DBF4B: variants seen among roughly 807,000 people sequenced by gnomAD.
DBF4B encodes the protein DBF4B-CDC7 kinase regulatory subunit.
A neutral mutation model predicts 53.4 loss-of-function variants in DBF4B; 49 were observed. That is an observed-to-expected ratio of 0.92 (90% confidence interval 0.73 to 1.16). DBF4B has a LOEUF of 1.16. DBF4B is among the 50% of genes most tolerant of loss of function. The pLI, the probability that DBF4B is intolerant of heterozygous loss-of-function variation, is 0.00. For synonymous variants in DBF4B, 257 were observed against 288.7 expected (o/e 0.89, Z 1.11); for missense variants, 692 against 775.0 (o/e 0.89, Z 1.27).
Position 44,730,069 on chromosome 17 carries a change from C to G in DBF4B, c.390C>G (p.Pro130=), listed in dbSNP as rs775979625. The part of the protein sequence containing the change: ...SAMVDPKGSH[P]RPSRKPVDSV... The stretch of plus-strand genomic sequence containing the variant: ...TGGTTGATCCAAAAGGCAGCCACCC[C>G]AGGCCTTCACGGAAACCCGTTGACT... Residue 130 remains proline, a synonymous_variant, in exon 4 of 14, where the codon CCC becomes CCG. Transcript: ENST00000315005. 2.5e-6 allele frequency: 4 copies of G among 1,612,696 alleles called. No homozygotes were observed. The highest frequency in any genetic ancestry group is 4.5e-5 in the East Asian group (2 of 44,884).
chr17:44,742,568 G>A (rs569255442), intron 10 of DBF4B, among the ~76,000 whole-genome samples: 1 of 152,160 alleles, frequency 6.6e-6, no homozygotes, highest in African/African-American at 2.4e-5. Context: ...GTGACAGAGT[G>A]AAACCCTGAT....
At chr17:44,735,717 G>GT (rs1975342859) in intron 7 of DBF4B, among the ~76,000 whole-genome samples, 2 of 152,084 alleles carry the variant, frequency 1.3e-5, no homozygotes, top group Admixed American at 6.6e-5. Flanking sequence ...AGTGAAGTGA[G>GT]TTTTGGGTGT....
intron 4 of DBF4B, 123 bp downstream of exon 4, chr17:44,730,219 G>T: frequency 9.1e-7 from 1 of 1,101,586 alleles, no homozygotes; most frequent in South Asian, 1.7e-5. Context: ...TTTGAATTCA[G>T]GGACTGAGAA....
At chr17:44,725,035 A>G (rs11871286) in intron 3 of DBF4B, among the ~76,000 whole-genome samples, 150,553 of 151,376 alleles carry the variant, frequency 0.99, 74,872 homozygotes, top group East Asian at 1. Context: ...AGAATCACTT[A>G]AACTCAGGTG....
chr17:44,741,344 G>T lies in DBF4B; in HGVS notation c.722G>T (p.Arg241Leu), dbSNP rs368242633. 122 of 1,612,026 alleles carry T rather than the reference G, an allele frequency of 7.6e-5. No individual in the cohort carries two copies. The highest frequency in any genetic ancestry group is 1.0e-4 in the Non-Finnish European group (122 of 1,178,396). ...AGTTTTCTCTGTTGCAGGAAGTTTC[G>T]TCCTTTCCATCATCAGTTTAAATCC... Reference protein sequence around the residue: ...LKIEDESRKFRPFHHQFKSFP... With the variant: ...LKIEDESRKFLPFHHQFKSFP... Residue 241 changes from arginine (R) to leucine (L), a missense_variant, in exon 10 of 14, where the codon CGT (arginine) becomes CTT (leucine). This residue lies in a region of DBF4B where 597 missense variants were observed against 665.8 expected (regional missense o/e 0.90). Coordinates refer to ENST00000315005, the MANE Select transcript of DBF4B (RefSeq NM_145663.3).
At chr17:44,713,331 A>G (rs540588958) in intron 2 of DBF4B, among the ~76,000 whole-genome samples, 11 of 146,968 alleles carry the variant, frequency 7.5e-5, no homozygotes, top group Admixed American at 2.7e-4. Context: ...GTGAGCCACC[A>G]CGCCCCGCCG....
In DBF4B at chr17:44,747,480, C is replaced by T. The variant is rs771354426; in HGVS notation, c.1029C>T (p.Ser343=). 6.2e-7 allele frequency: 1 copy of T among 1,614,136 alleles called. No individual in the cohort carries two copies. The highest frequency in any genetic ancestry group is 1.7e-5 in the Admixed American group (1 of 60,036). The change falls in exon 12 of 14, where the codon AGC becomes AGT. Residue 343 remains serine, a synonymous_variant. Coordinates refer to ENST00000315005, the MANE Select transcript of DBF4B (RefSeq NM_145663.3). ...GGATCATTGCTCAGCTCAGCCACAGCTTTGCAGACATCCCTTTCCAGGCTG... is the reference window on the plus strand; with the variant it reads ...GGATCATTGCTCAGCTCAGCCACAGTTTTGCAGACATCCCTTTCCAGGCTG... The part of the protein sequence containing the change: ...VDRIIAQLSH[S]FADIPFQAGL...
rs1218075966 is a variant in DBF4B, at chr17:44,734,161, G to C, written c.628G>C (p.Glu210Gln). 1 of 1,614,086 alleles carries C rather than the reference G, an allele frequency of 6.2e-7. No individual in the cohort carries two copies. The highest frequency in any genetic ancestry group is 8.5e-7 in the Non-Finnish European group (1 of 1,180,038). Reference sequence around the variant, plus strand: ...GAAAAAACAACAGCCAAAGAAGCCAGAGGTAGGTCATCCTGCTGAACTGAA... The same window carrying C: ...GAAAAAACAACAGCCAAAGAAGCCACAGGTAGGTCATCCTGCTGAACTGAA... ...CVKKQQPKKP[E>Q]GTCPAAESRT... The change falls in exon 7 of 14, where the codon GAG (glutamate) becomes CAG (glutamine). Residue 210 changes from glutamate (E) to glutamine (Q), a missense_variant and splice_region_variant. Coordinates refer to ENST00000315005, the MANE Select transcript of DBF4B (RefSeq NM_145663.3).
chr17:44,750,972 C>G lies in DBF4B; in HGVS notation c.1567C>G (p.Pro523Ala). 1 of 1,614,172 alleles carries G rather than the reference C, an allele frequency of 6.2e-7. No individual in the cohort carries two copies. Among genetic ancestry groups the G allele is most frequent in the Middle Eastern group, 1.6e-4 (1 of 6,062 alleles). Residue 523 changes from proline to alanine, a missense_variant, in exon 14 of 14, where the codon CCC (proline) becomes GCC (alanine). Transcript: ENST00000315005. ...FPFVTWGCLI[P>A]HDTTPLHEEV... The stretch of plus-strand genomic sequence containing the variant: ...TTTTGTGACATGGGGTTGCCTCATT[C>G]CCCATGACACCACCCCTCTGCATGA...
intron 9 of DBF4B, 47 bp downstream of exon 9, chr17:44,738,471 G>T (rs1236005162): frequency 6.4e-7 from 1 of 1,574,080 alleles, no homozygotes; most frequent in East Asian, 2.3e-5. Flanking sequence ...GGCCTGCACA[G>T]AGGAGGGAGG....
intron 2 of DBF4B, among the ~76,000 whole-genome samples, chr17:44,719,567 T>G (rs1301987335): frequency 6.6e-6 from 1 of 152,228 alleles, no homozygotes; most frequent in Non-Finnish European, 1.5e-5. Flanking sequence ...ACTGATTTCT[T>G]TCACTTAGCA....
chr17:44,750,698 G>A lies in DBF4B; in HGVS notation c.1293G>A (p.Leu431=), dbSNP rs2049259144. 10 of 1,613,926 alleles carry A rather than the reference G, an allele frequency of 6.2e-6. No individual in the cohort carries two copies. The highest frequency in any genetic ancestry group is 1.7e-5 in the Admixed American group (1 of 60,004). The change falls in exon 14 of 14, where the codon CTG becomes CTA. Residue 431 remains leucine (L), a synonymous_variant. Coordinates refer to ENST00000315005, the MANE Select transcript of DBF4B (RefSeq NM_145663.3). ...CATGTGTGAGTGCCACAACCCTCCT[G>A]CCGGCCTTGCCCAAGGGCTCCAGGG... The part of the protein sequence containing the change: ...SHTCVSATTL[L]PALPKGSREQ...
intron 12 of DBF4B, 98 bp from the exon 13 acceptor site, chr17:44,748,243 G>C (rs2049161497): frequency 6.7e-7 from 1 of 1,481,716 alleles, no homozygotes; most frequent in Non-Finnish European, 9.1e-7. Context: ...CTCGGCACAT[G>C]AACCGCCAGC....
intron 3 of DBF4B, among the ~76,000 whole-genome samples, chr17:44,724,589 C>G (rs1305753139): frequency 1.3e-5 from 2 of 152,124 alleles, no homozygotes. Flanking sequence ...CCGTGTTAGC[C>G]AGGATGGTCT....
intron 9 of DBF4B, among the ~76,000 whole-genome samples, chr17:44,740,035 T>A (rs957878206): frequency 2.5e-4 from 38 of 152,192 alleles, no homozygotes; most frequent in Non-Finnish European, 5.0e-4. Flanking sequence ...GTGCTGGAAT[T>A]ACAGGTGGGA....
At chr17:44,737,125 TC>T (rs1975524703) in intron 8 of DBF4B, among the ~76,000 whole-genome samples, 1 of 152,296 alleles carries the variant, frequency 6.6e-6, no homozygotes, top group Admixed American at 6.5e-5. Context: ...GGCTCCTGTG[TC>T]CTCTGGCTGT....
At chr17:44,736,684 C>A in intron 7 of DBF4B, 146 bp from the exon 8 acceptor site, 2 of 812,732 alleles carry the variant, frequency 2.5e-6, no homozygotes, top group Non-Finnish European at 4.2e-6. Flanking sequence ...TCTGCTCCAG[C>A]TCAGGGCCTG....
At position 44,752,043 on chromosome 17, in the gene DBF4B, T is replaced by G; in HGVS notation, c.*790T>G. On this transcript the variant is annotated 3_prime_UTR_variant, in exon 14 of 14. Transcript: ENST00000315005. ...AGGTCCCCAGGCCTTTGTTCTTGCCTCTTCTCGCTGAGCCTTTCACTTCTC... is the reference window on the plus strand; with the variant it reads ...AGGTCCCCAGGCCTTTGTTCTTGCCGCTTCTCGCTGAGCCTTTCACTTCTC... 6.8e-7 allele frequency: 1 copy of G among 1,475,958 alleles called. No homozygotes were observed. The highest frequency in any genetic ancestry group is 9.2e-7 in the Non-Finnish European group (1 of 1,092,332). 91.4% of individuals were successfully genotyped at this position (1,475,958 alleles called of 1,614,324 possible).
chr17:44,725,687 T>C (rs796777680), intron 3 of DBF4B, among the ~76,000 whole-genome samples: 9 of 117,416 alleles, frequency 7.7e-5, no homozygotes, highest in African/African-American at 1.7e-4. Context: ...TGTGCTTCTT[T>C]TTTTTTTTTT....
Sources: allele counts gnomAD v4.1 joint callset (sites outside exome capture counted in the v4.1 genomes callset), GRCh38; gene constraint gnomAD v4.1.1; regional missense constraint gnomAD v4.1.1; transcripts MANE v1.5; gene names NCBI Gene and HGNC (gene_info 2026-07-23, HGNC 2026-07-21).